DIP2C: variants seen among roughly 807,000 people sequenced by gnomAD.
The protein encoded by DIP2C is DIP2 acetate--CoA ligase C (putative).
DIP2C carries 33 observed loss-of-function variants against 192.4 expected under a neutral mutation model. The ratio of observed to expected loss-of-function variants is 0.17; its 90% CI spans 0.13 to 0.23. The LOEUF is 0.23. Ranked by LOEUF, DIP2C falls within the 10% of genes least tolerant of loss-of-function variation. The pLI is 1.00. For missense variants in DIP2C, 1,537 were observed against 2,110.1 expected (o/e 0.73, Z 5.32); for synonymous variants, 979 against 864.1 (o/e 1.13, Z -2.33).
At chr10:369,150 G>A (rs1214564526) in intron 18 of DIP2C, among the ~76,000 whole-genome samples, 1 of 152,260 alleles carries the variant, frequency 6.6e-6, no homozygotes, top group Non-Finnish European at 1.5e-5. Flanking sequence ...ACTCTGGCTA[G>A]TGCCTTAGGG....
At chr10:420,119 C>T (rs1241119589) in intron 5 of DIP2C, among the ~76,000 whole-genome samples, 1 of 152,204 alleles carries the variant, frequency 6.6e-6, no homozygotes, top group Non-Finnish European at 1.5e-5. Context: ...TACTTTGTGT[C>T]GCTGAAAGTG....
chr10:609,786 A>G (rs994764252), intron 1 of DIP2C, among the ~76,000 whole-genome samples: 3 of 152,192 alleles, frequency 2.0e-5, no homozygotes, highest in Admixed American at 1.3e-4. Context: ...ACCTAACTGC[A>G]TCTTTGGATC....
chr10:414,747 A>ATATATATATATATATAATGTG (rs1965475348), intron 7 of DIP2C, among the ~76,000 whole-genome samples: 3 of 119,968 alleles, frequency 2.5e-5, no homozygotes, highest in East Asian at 2.3e-4. Context: ...GTGTACATAT[A>ATATATATATATATATAATGTG]TATATATATA....
At position 363,729 on chromosome 10, in the gene DIP2C, G is replaced by T. The variant is rs1042076893; in HGVS notation, c.2478-418C>A. On this transcript the variant is annotated intron_variant, in intron 20 of 36. Transcript: ENST00000280886. The surrounding 1 kb of genome is among the most constrained non-coding windows in gnomAD (Gnocchi z 5.4). ...CAGAACTAGTGATTTTCTGCTAAGT[G>T]TATGTGCCTTATACTGTCAGCACAG... Among the ~76,000 whole-genome samples the T allele has an allele frequency of 3.3e-5, 5 of 152,212 alleles. No homozygotes were observed. Among genetic ancestry groups the T allele is most frequent in the Non-Finnish European group, 7.3e-5 (5 of 68,038 alleles).
intron 1 of DIP2C, among the ~76,000 whole-genome samples, chr10:492,545 TTTA>T (rs764812221): frequency 6.6e-6 from 1 of 151,532 alleles, no homozygotes; most frequent in East Asian, 1.9e-4. Flanking sequence ...AAAAACATTA[TTTA>T]TTGTTATTTA....
At chr10:344,942 C>G (rs1192187023) in intron 27 of DIP2C, 24 bp from the exon 28 acceptor site, 1 of 1,603,420 alleles carries the variant, frequency 6.2e-7, no homozygotes, top group East Asian at 2.2e-5. Context: ...TGACTATCAG[C>G]AGATCCAGCC....
At chr10:562,093 C>T (rs962129475) in intron 1 of DIP2C, among the ~76,000 whole-genome samples, 17 of 152,236 alleles carry the variant, frequency 1.1e-4, no homozygotes, top group Non-Finnish European at 2.2e-4. Context: ...AAATCAGCTA[C>T]ATCTTTTGCT....
chr10:331,283 G>A (rs886093641), intron 29 of DIP2C, among the ~76,000 whole-genome samples: 6 of 152,114 alleles, frequency 3.9e-5, no homozygotes, highest in Non-Finnish European at 7.3e-5. Context: ...AAGTTAGGTT[G>A]GCTAACAAAA....
intron 31 of DIP2C, among the ~76,000 whole-genome samples, chr10:319,461 A>C (rs1956913218): frequency 6.6e-6 from 1 of 152,138 alleles, no homozygotes; most frequent in Non-Finnish European, 1.5e-5. Context: ...AAAACAGAAG[A>C]CCTCATGTTT....
intron 3 of DIP2C, among the ~76,000 whole-genome samples, chr10:454,148 C>A (rs560284673): frequency 6.6e-6 from 1 of 152,278 alleles, no homozygotes; most frequent in East Asian, 1.9e-4. Context: ...TCTGCTGTGG[C>A]TGCTAACAGT....
At chr10:374,725 A>C (rs1392032010) in intron 17 of DIP2C, among the ~76,000 whole-genome samples, 2 of 152,186 alleles carry the variant, frequency 1.3e-5, no homozygotes, top group Non-Finnish European at 2.9e-5. Context: ...CTTAGATGAT[A>C]TTTATCTCCA....
chr10:380,531 G>A (rs1018204672), intron 17 of DIP2C, among the ~76,000 whole-genome samples: 18 of 152,256 alleles, frequency 1.2e-4, no homozygotes, highest in African/African-American at 3.9e-4. Flanking sequence ...TCACAACACA[G>A]AGGAAACGGC....
chr10:670,451 TCA>T (rs1166222580), intron 1 of DIP2C, among the ~76,000 whole-genome samples: 1 of 152,176 alleles, frequency 6.6e-6, no homozygotes, highest in African/African-American at 2.4e-5. Context: ...ACAAGAATAA[TCA>T]CAAAACAGGG....
chr10:618,568 C>T (rs370989407), intron 1 of DIP2C, among the ~76,000 whole-genome samples: 1 of 140,096 alleles, frequency 7.1e-6, no homozygotes, highest in East Asian at 2.1e-4. Context: ...CACTCCATCC[C>T]AAAGCTCCAT....
At chr10:617,655 ACCC>A (rs3049602) in intron 1 of DIP2C, among the ~76,000 whole-genome samples, 1 of 132,326 alleles carries the variant, frequency 7.6e-6, no homozygotes, top group African/African-American at 2.8e-5. Context: ...TGTGGATACC[ACCC>A]CCCCACCCCC....
intron 2 of DIP2C, among the ~76,000 whole-genome samples, chr10:483,675 C>T (rs192172875): frequency 7.2e-5 from 11 of 152,244 alleles, no homozygotes; most frequent in Admixed American, 2.0e-4. Flanking sequence ...TGAGAGGGTG[C>T]GAGGGAATCA....
At chr10:662,899 C>T (rs1418575625) in intron 1 of DIP2C, 8 of 717,436 alleles carry the variant, frequency 1.1e-5, no homozygotes, top group African/African-American at 1.7e-5. Context: ...GTGGAAGAGG[C>T]GTGAACACTC....
At chr10:380,769 C>A (rs1323610093) in intron 17 of DIP2C, among the ~76,000 whole-genome samples, 1 of 152,230 alleles carries the variant, frequency 6.6e-6, no homozygotes, top group Non-Finnish European at 1.5e-5. Context: ...CCAGACCTCA[C>A]TTAGTACAGC....
At chr10:588,846 TTC>T (rs1267242781) in intron 1 of DIP2C, among the ~76,000 whole-genome samples, 1 of 152,136 alleles carries the variant, frequency 6.6e-6, no homozygotes, top group Non-Finnish European at 1.5e-5. Flanking sequence ...GAACATCAGC[TTC>T]TGTTTCTCTG....
Sources: allele counts gnomAD v4.1 joint callset (sites outside exome capture counted in the v4.1 genomes callset), GRCh38; gene constraint gnomAD v4.1.1; non-coding constraint Gnocchi (gnomAD v3.1); transcripts MANE v1.5; gene names NCBI Gene and HGNC (gene_info 2026-07-23, HGNC 2026-07-21).